OSBPL3: variants seen among roughly 807,000 people sequenced by gnomAD.
OSBPL3 encodes the protein oxysterol-binding protein-related protein 3.
A neutral mutation model predicts 120.1 loss-of-function variants in OSBPL3; 65 were observed. The observed-to-expected ratio is 0.54, with a 90% CI of 0.44 to 0.67. OSBPL3 has a LOEUF of 0.67. Ranked by LOEUF, OSBPL3 falls within the 30% of genes least tolerant of loss-of-function variation. The pLI, the probability that OSBPL3 is intolerant of heterozygous loss-of-function variation, is 0.00. For synonymous variants in OSBPL3, 416 were observed against 402.6 expected, an observed-to-expected ratio of 1.03 and a Z score of -0.40; for missense variants, 1,004 against 1,082.1, an observed-to-expected ratio of 0.93 and a Z score of 1.01.
At chr7:24,814,990 C>T in intron 19 of OSBPL3, 69 bp downstream of exon 19, 1 of 1,489,494 alleles carries the variant, frequency 6.7e-7, no homozygotes, top group Non-Finnish European at 9.3e-7. Flanking sequence ...CTCAAATGCC[C>T]TGTGCTCTGG....
intron 19 of OSBPL3, chr7:24,810,316 G>C: frequency 5.9e-6 from 1 of 168,738 alleles, no homozygotes; most frequent in East Asian, 1.8e-4. Flanking sequence ...CTAAGGTCGG[G>C]AGTTCAAGAC....
intron 1 of OSBPL3, among the ~76,000 whole-genome samples, chr7:24,978,599 A>T (rs1817844181): frequency 6.6e-6 from 1 of 152,236 alleles, no homozygotes; most frequent in Non-Finnish European, 1.5e-5. Context: ...AGCCAAGTAT[A>T]GTCCTTTAGC....
At chr7:24,885,415 G>A (rs75837195) in intron 2 of OSBPL3, among the ~76,000 whole-genome samples, 3 of 152,064 alleles carry the variant, frequency 2.0e-5, no homozygotes, top group Middle Eastern at 3.4e-3. Context: ...TCTGGAGTGC[G>A]GCATAATCTA....
At chr7:24,809,228 C>T (rs1418176726) in intron 20 of OSBPL3, among the ~76,000 whole-genome samples, 2 of 152,172 alleles carry the variant, frequency 1.3e-5, no homozygotes, top group African/African-American at 4.8e-5. Flanking sequence ...TTGGAAACAA[C>T]ATAATTTTCG....
Position 24,820,218 on chromosome 7 carries a change from G to C in OSBPL3, c.1905C>G (p.Ile635Met). ...TTCTAGACTCAGCATGACACGCAGAGATAGGCGGATGGTGGCTGACCTGAT... is the reference window on the plus strand; with the variant it reads ...TTCTAGACTCAGCATGACACGCAGACATAGGCGGATGGTGGCTGACCTGAT... ...FSEQVSHHPP[I>M]SACHAESRNF... Residue 635 changes from isoleucine to methionine, a missense_variant, in exon 17 of 23, where the codon ATC (isoleucine) becomes ATG (methionine). Physicochemically the swap from Ile to Met is conservative, Grantham distance 10. This residue lies in a region of OSBPL3 where 473 missense variants were observed against 568.0 expected (regional missense o/e 0.83). Coordinates refer to ENST00000313367, the MANE Select transcript of OSBPL3 (RefSeq NM_015550.4). The surrounding 1 kb of genome is among the most constrained non-coding windows in gnomAD (Gnocchi z 4.6). 7 of 1,612,412 alleles carry C rather than the reference G, an allele frequency of 4.3e-6. No individual in the cohort carries two copies. Among genetic ancestry groups the C allele is most frequent in the Non-Finnish European group, 5.9e-6 (7 of 1,178,850 alleles).
intron 1 of OSBPL3, among the ~76,000 whole-genome samples, chr7:24,961,087 T>C (rs1815682192): frequency 6.6e-6 from 1 of 152,150 alleles, no homozygotes; most frequent in South Asian, 2.1e-4. Flanking sequence ...CTTCTCCCCC[T>C]TACAAAAGGA....
intron 19 of OSBPL3, among the ~76,000 whole-genome samples, chr7:24,812,072 C>T (rs1000806418): frequency 6.6e-6 from 1 of 151,918 alleles, no homozygotes; most frequent in Admixed American, 6.6e-5. Context: ...TTTGGGAGGC[C>T]GAGGTGGGTG....
chr7:24,806,697 G>T lies in OSBPL3; in HGVS notation c.2444+79C>A. ...TTTCCACCTTTCTCAGGTGCCTCTG[G>T]TGGCCTAAGGATTGTTAATAAGACT... On this transcript the variant is annotated intron_variant, in intron 21 of 22. Transcript: ENST00000313367. The surrounding 1 kb of genome is among the most constrained non-coding windows in gnomAD (Gnocchi z 5.2). The T allele has an allele frequency of 7.5e-7, 1 of 1,337,970 alleles. No individual in the cohort carries two copies. Among genetic ancestry groups the T allele is most frequent in the Non-Finnish European group, 1.0e-6 (1 of 970,208 alleles). The allele number at this position is 1,337,970 out of a possible 1,614,324, so 82.9% of individuals were successfully genotyped here.
At chr7:24,925,766 T>G (rs993476952) in intron 1 of OSBPL3, among the ~76,000 whole-genome samples, 3 of 152,218 alleles carry the variant, frequency 2.0e-5, no homozygotes, top group Non-Finnish European at 2.9e-5. Context: ...CTACTGATGG[T>G]GTATTCAAAG....
At position 24,800,453 on chromosome 7, in the gene OSBPL3, C is replaced by CTT. The variant is rs766653677; in HGVS notation, c.2568-176_2568-175dup. Among the ~76,000 whole-genome samples the CTT allele has an allele frequency of 3.7e-3, 444 of 119,486 alleles. 8 individuals are homozygous for CTT. Among genetic ancestry groups the CTT allele is most frequent in the East Asian group, 0.023 (93 of 4,088 alleles). The allele number at this position is 119,486 out of a possible 152,430, so 78.4% of individuals were successfully genotyped here. A position where few individuals can be genotyped will look rare whatever the true frequency, so the allele number is the denominator to read the frequency against. On this transcript the variant is annotated intron_variant, in intron 22 of 22. Transcript: ENST00000313367. ...TAGATGTCCAGAAATAATTTTGTTACTTTTTTTTTTTTTTTTTTTTTGAGA... is the reference window on the plus strand; with the variant it reads ...TAGATGTCCAGAAATAATTTTGTTACTTTTTTTTTTTTTTTTTTTTTTTGAGA...
chr7:24,901,036 A>AG (rs1491184536), intron 1 of OSBPL3, among the ~76,000 whole-genome samples: 2 of 134,324 alleles, frequency 1.5e-5, no homozygotes, highest in African/African-American at 2.8e-5. Context: ...AAAAAAAAAA[A>AG]GAGAGAGAGA....
At chr7:24,949,465 A>G (rs997874913) in intron 1 of OSBPL3, among the ~76,000 whole-genome samples, 1 of 152,182 alleles carries the variant, frequency 6.6e-6, no homozygotes, top group African/African-American at 2.4e-5. Flanking sequence ...CTTTGATTCA[A>G]TGAAATAGGT....
intron 1 of OSBPL3, among the ~76,000 whole-genome samples, chr7:24,928,487 G>A (rs111804377): frequency 0.023 from 3,451 of 152,164 alleles, 145 homozygotes; most frequent in African/African-American, 0.079. Context: ...CACCGTGCCC[G>A]GCCACCTCTT....
intron 1 of OSBPL3, among the ~76,000 whole-genome samples, chr7:24,956,911 AG>A (rs140370588): frequency 0.011 from 1,654 of 152,208 alleles, 21 homozygotes; most frequent in African/African-American, 0.037. Flanking sequence ...CTGAATTTCT[AG>A]TTTTTTTATT....
At chr7:24,907,929 A>G (rs189214637) in intron 1 of OSBPL3, among the ~76,000 whole-genome samples, 59 of 152,318 alleles carry the variant, frequency 3.9e-4, no homozygotes, top group Non-Finnish European at 7.1e-4. Context: ...TGAGCCAAGG[A>G]AAGAGTTCTC....
At chr7:24,844,224 G>A (rs1435990115) in intron 12 of OSBPL3, among the ~76,000 whole-genome samples, 1 of 152,206 alleles carries the variant, frequency 6.6e-6, no homozygotes, top group Non-Finnish European at 1.5e-5. Context: ...TGTAATGCAT[G>A]ACTGGTTGCT....
At chr7:24,809,752 C>A in intron 20 of OSBPL3, 55 bp downstream of exon 20, 1 of 1,570,738 alleles carries the variant, frequency 6.4e-7, no homozygotes, top group Non-Finnish European at 8.7e-7. Flanking sequence ...CTTCTTGTGT[C>A]ATGCCCACCC....
Position 24,937,355 on chromosome 7 carries a change from T to G in OSBPL3, c.-150+42531A>C, listed in dbSNP as rs552785913. ...TGGGTGGGAACACAGCCAAACCATA[T>G]CAGTAAATTTTTATTTCAATTGTTT... On this transcript the variant is annotated intron_variant, in intron 1 of 22. Coordinates refer to ENST00000313367, the MANE Select transcript of OSBPL3 (RefSeq NM_015550.4). The surrounding 1 kb of genome is among the most constrained non-coding windows in gnomAD (Gnocchi z 4.0). Among the ~76,000 whole-genome samples the G allele has an allele frequency of 1.5e-4, 23 of 152,208 alleles. No homozygotes were observed. The highest frequency in any genetic ancestry group is 5.1e-4 in the African/African-American group (21 of 41,448).
At chr7:24,963,734 T>A (rs1816054704) in intron 1 of OSBPL3, among the ~76,000 whole-genome samples, 1 of 152,238 alleles carries the variant, frequency 6.6e-6, no homozygotes, top group African/African-American at 2.4e-5. Flanking sequence ...CCATTTCACC[T>A]TTTGAGGTGT....
Sources: allele counts gnomAD v4.1 joint callset (sites outside exome capture counted in the v4.1 genomes callset), GRCh38; gene constraint gnomAD v4.1.1; regional missense constraint gnomAD v4.1.1; non-coding constraint Gnocchi (gnomAD v3.1); transcripts MANE v1.5; gene names NCBI Gene and HGNC (gene_info 2026-07-23, HGNC 2026-07-21).